The following DUS1L variants were observed in gnomAD, a reference collection of about 807,000 sequenced individuals.
DUS1L encodes the protein dihydrouridine synthase 1 like.
A neutral mutation model predicts 61.2 loss-of-function variants in DUS1L; 56 were observed. The observed-to-expected ratio is 0.92, with a 90% confidence interval of 0.74 to 1.14. DUS1L has a LOEUF of 1.14. DUS1L is among the 50% of genes most tolerant of loss of function. The pLI is 0.00. For synonymous variants in DUS1L, 278 were observed against 259.5 expected (o/e 1.07, Z -0.69); for missense variants, 630 against 632.4 (o/e 1.00, Z 0.04).
rs756635689 is a variant in DUS1L at position 82,064,878 on chromosome 17, C to T, written c.182G>A (p.Arg61Gln). ...AQVFVRDANYRKENLYCEVCP... is the reference protein window; with the variant it reads ...AQVFVRDANYQKENLYCEVCP... ...CACCTCGCAGTACAGGTTCTCCTTC[C>T]GGTAGTTGGCGTCGCGGACAAAGAC... Residue 61 changes from arginine to glutamine, a missense_variant, in exon 2 of 14, where the codon CGG becomes CAG. Physicochemically the swap from Arg to Gln is conservative, Grantham distance 43. Transcript: ENST00000306796. 5.7e-5 allele frequency: 92 copies of T among 1,612,552 alleles called. No homozygotes were observed. Among genetic ancestry groups the T allele is most frequent in the South Asian group, 7.7e-5 (7 of 91,080 alleles).
At chr17:82,058,702 C>A in intron 12 of DUS1L, 79 bp downstream of exon 12, 1 of 1,591,880 alleles carries the variant, frequency 6.3e-7, no homozygotes, top group Non-Finnish European at 8.6e-7. Flanking sequence ...ACCAGACCTG[C>A]CACCCCAAGC....
At chr17:82,063,348 G>A in intron 4 of DUS1L, 120 bp downstream of exon 4, 3 of 1,375,996 alleles carry the variant, frequency 2.2e-6, no homozygotes, top group Non-Finnish European at 3.1e-6. Context: ...AAGCCCCAGG[G>A]TGATGCTGAG....
rs1048734238 is a variant in DUS1L at position 82,065,676 on chromosome 17, C to T, written c.-74G>A. 1 of 149,820 alleles carries T rather than the reference C, an allele frequency of 6.7e-6. No homozygotes were observed. Among genetic ancestry groups the T allele is most frequent in the African/African-American group, 2.4e-5 (1 of 41,112 alleles). The allele number at this position is 149,820 out of a possible 1,614,324, so 9.3% of individuals were successfully genotyped here. ...CTCCGAGGGCGCCGGGTGCCGGTGT[C>T]CCGGGCCCGCCCCTCTCCGGCCTCG... On this transcript the variant is annotated 5_prime_UTR_variant, in exon 1 of 14. Transcript: ENST00000306796.
intron 5 of DUS1L, among the ~76,000 whole-genome samples, chr17:82,062,337 G>C (rs1253814768): frequency 1.3e-5 from 2 of 152,128 alleles, no homozygotes; most frequent in African/African-American, 4.8e-5. Context: ...TGGGGCACTG[G>C]GGGGGAAAGT....
rs1324047669 is a variant in DUS1L at position 82,060,098 on chromosome 17, G to A, written c.1023-5C>T. On this transcript the variant is annotated splice_polypyrimidine_tract_variant and splice_region_variant and intron_variant, in intron 10 of 13. Transcript: ENST00000306796. Reference sequence around the variant, plus strand: ...TCCTTGCTCCCCTCCCTGGGCCTGAGGGGAGGGCAGCGGGCAGAGCCCAAG... The same window carrying A: ...TCCTTGCTCCCCTCCCTGGGCCTGAAGGGAGGGCAGCGGGCAGAGCCCAAG... The A allele has an allele frequency of 1.2e-6, 2 of 1,611,942 alleles. No homozygotes were observed. Among genetic ancestry groups the A allele is most frequent in the Non-Finnish European group, 1.7e-6 (2 of 1,179,420 alleles).
chr17:82,061,626 A>G lies in DUS1L; in HGVS notation c.689T>C (p.Met230Thr), dbSNP rs771169415. Residue 230 changes from methionine (M) to threonine (T), a missense_variant, in exon 7 of 14, where the codon ATG (methionine) becomes ACG (threonine). Transcript: ENST00000306796. ...TCCTGGGCCCTGCCCACCTGCGCTC[A>G]TGACGCCCTGCACACCCGTGTCCCG... ...CLRDTGVQGV[M>T]SAEGNLHNPA... The G allele has an allele frequency of 2.5e-6, 4 of 1,611,424 alleles. No individual in the cohort carries two copies. The highest frequency in any genetic ancestry group is 3.3e-5 in the Admixed American group (2 of 59,990).
intron 4 of DUS1L, 192 bp from the exon 5 acceptor site, chr17:82,063,165 T>C: frequency 1.6e-6 from 1 of 637,830 alleles, no homozygotes; most frequent in Non-Finnish European, 2.7e-6. Context: ...CCCCCGGCCC[T>C]CCGAAGTTCA....
intron 12 of DUS1L, 173 bp from the exon 13 acceptor site, chr17:82,058,589 T>A: frequency 2.1e-6 from 3 of 1,455,376 alleles, no homozygotes; most frequent in Non-Finnish European, 2.7e-6. Context: ...CCACCCAGAC[T>A]CTCTTCCCCT....
At position 82,061,903 on chromosome 17, in the gene DUS1L, C is replaced by A. The variant is rs868676914; in HGVS notation, c.591G>T (p.Val197=). 6.2e-7 allele frequency: 1 copy of A among 1,608,368 alleles called. No individual in the cohort carries two copies. ...GAASWEHIKA[V]RKAVAIPVFA... The stretch of plus-strand genomic sequence containing the variant: ...CTGTGTCACCCACACCCACTCACCG[C>A]ACAGCCTTGATATGCTCCCAGGACG... The change falls in exon 6 of 14, where the codon GTG becomes GTT. Residue 197 remains valine (V), a splice_region_variant and synonymous_variant. Transcript: ENST00000306796.
chr17:82,060,841 G>A (rs1245984456), intron 9 of DUS1L, 24 bp downstream of exon 9: 2 of 1,611,212 alleles, frequency 1.2e-6, no homozygotes, highest in Admixed American at 1.7e-5. Context: ...GCAAGGCCGG[G>A]CTCCCACCAG....
chr17:82,061,363 G>A lies in DUS1L; in HGVS notation c.698-10C>T, dbSNP rs762537831. On this transcript the variant is annotated splice_polypyrimidine_tract_variant and intron_variant, in intron 7 of 13. Transcript: ENST00000306796. The stretch of plus-strand genomic sequence containing the variant: ...TTGTGCAGGTTGCCCTCTGTGGGAG[G>A]AGGAGCGGGGAAGGACACCTCGTGG... 5 of 1,561,474 alleles carry A rather than the reference G, an allele frequency of 3.2e-6. No individual in the cohort carries two copies. The highest frequency in any genetic ancestry group is 2.3e-5 in the East Asian group (1 of 44,192).
rs768911603 is a variant in DUS1L, at chr17:82,061,206, C to CA, written c.842+2dup. On this transcript the variant is annotated splice_region_variant and intron_variant, in intron 8 of 13. Transcript: ENST00000306796. ...GTGGCTTCTGCCTTAGGGGGCAACT[C>CA]ACGTGTGGTGCCACAGCTTGAAGAG... 1 of 1,584,544 alleles carries CA rather than the reference C, an allele frequency of 6.3e-7. No homozygotes were observed. Among genetic ancestry groups the CA allele is most frequent in the Non-Finnish European group, 8.6e-7 (1 of 1,162,264 alleles).
intron 11 of DUS1L, 48 bp downstream of exon 11, chr17:82,059,900 G>T: frequency 6.2e-7 from 1 of 1,609,908 alleles, no homozygotes; most frequent in Non-Finnish European, 8.5e-7. Context: ...GGGAGGATGG[G>T]GGTGATGAAG....
chr17:82,058,574 C>T, intron 12 of DUS1L, 158 bp from the exon 13 acceptor site: 2 of 1,451,760 alleles, frequency 1.4e-6, no homozygotes, highest in Non-Finnish European at 1.8e-6. Context: ...CTCCCTCACC[C>T]CCACCCACCC....
intron 8 of DUS1L, 29 bp downstream of exon 8, chr17:82,061,180 C>T (rs752083808): frequency 2.0e-5 from 31 of 1,563,712 alleles, no homozygotes; most frequent in African/African-American, 9.5e-5. Flanking sequence ...GGCCCTCCAA[C>T]GTGGCTTCTG....
intron 10 of DUS1L, 139 bp from the exon 11 acceptor site, chr17:82,060,232 T>C (rs1013873452): frequency 8.5e-7 from 1 of 1,172,950 alleles, no homozygotes; most frequent in Non-Finnish European, 1.2e-6. Flanking sequence ...CTCCTTTCCC[T>C]CGGGCAGCCC....
chr17:82,058,462 G>T, intron 12 of DUS1L, 46 bp from the exon 13 acceptor site: 1 of 1,478,294 alleles, frequency 6.8e-7, no homozygotes. Context: ...ACCACTCCCG[G>T]GGCCAGGCTG....
intron 4 of DUS1L, 78 bp from the exon 5 acceptor site, chr17:82,063,051 T>C: frequency 7.7e-7 from 1 of 1,292,780 alleles, no homozygotes; most frequent in Non-Finnish European, 1.1e-6. Flanking sequence ...CCCAGGGCCC[T>C]GCAGACAGCG....
intron 12 of DUS1L, 54 bp from the exon 13 acceptor site, chr17:82,058,470 C>G: frequency 6.8e-7 from 1 of 1,475,080 alleles, no homozygotes; most frequent in Non-Finnish European, 9.0e-7. Context: ...CGGGGCCAGG[C>G]TGGCCAGCAG....
Sources: allele counts gnomAD v4.1 joint callset (sites outside exome capture counted in the v4.1 genomes callset), GRCh38; gene constraint gnomAD v4.1.1; transcripts MANE v1.5; gene names NCBI Gene and HGNC (gene_info 2026-07-23, HGNC 2026-07-21).